PCDH15: variants seen among roughly 807,000 people sequenced by gnomAD.
The protein encoded by PCDH15 is protocadherin related 15.
Under a neutral mutation model 178.5 loss-of-function variants are expected in PCDH15, and 129 were observed. That is an observed-to-expected ratio of 0.72 (90% confidence interval 0.63 to 0.84). The LOEUF (loss-of-function observed/expected upper bound fraction) is 0.84. Among genes scored for constraint, PCDH15 ranks in the 40% least tolerant of loss-of-function variants. PCDH15 has a pLI of 0.00. For missense variants in PCDH15, 2,230 were observed against 2,099.9 expected (o/e 1.06, Z -1.21); for synonymous variants, 800 against 732.0 (o/e 1.09, Z -1.50).
chr10:54,013,324 C>T (rs2092647257), intron 20 of PCDH15, among the ~76,000 whole-genome samples: 1 of 152,018 alleles, frequency 6.6e-6, no homozygotes. Context: ...TTTCAATACC[C>T]CATGGACAGT....
intron 2 of PCDH15, among the ~76,000 whole-genome samples, chr10:55,580,587 G>A (rs1437944402): frequency 2.0e-5 from 3 of 151,096 alleles, no homozygotes; most frequent in East Asian, 2.0e-4. Flanking sequence ...GGTCTCAAAC[G>A]CCTGACCTCA....
At chr10:53,810,991 T>C (rs531480661) in intron 36 of PCDH15, among the ~76,000 whole-genome samples, 1 of 152,346 alleles carries the variant, frequency 6.6e-6, no homozygotes, top group African/African-American at 2.4e-5. Flanking sequence ...ATAGATACTT[T>C]GGAACAGTGT....
intron 1 of PCDH15, among the ~76,000 whole-genome samples, chr10:55,266,850 A>G (rs1197240253): frequency 6.6e-6 from 1 of 152,216 alleles, no homozygotes; most frequent in Non-Finnish European, 1.5e-5. Context: ...AATAAGGCAG[A>G]GGATCTAATT....
intron 2 of PCDH15, among the ~76,000 whole-genome samples, chr10:55,345,385 C>G (rs1195504999): frequency 6.6e-6 from 1 of 151,882 alleles, no homozygotes; most frequent in East Asian, 1.9e-4. Context: ...CCTCAAGGCT[C>G]TCAAAGTGCC....
chr10:55,160,842 T>G (rs1564850652), intron 2 of PCDH15, among the ~76,000 whole-genome samples: 1 of 152,158 alleles, frequency 6.6e-6, no homozygotes, highest in Non-Finnish European at 1.5e-5. Context: ...GAATACTCTT[T>G]ACAAGCTTAT....
intron 31 of PCDH15, 62 bp from the exon 32 acceptor site, chr10:53,827,610 G>C: frequency 6.3e-7 from 1 of 1,595,404 alleles, no homozygotes; most frequent in Non-Finnish European, 8.6e-7. Context: ...TTATCAATAA[G>C]CCACCTTTTA....
chr10:54,036,049 G>C (rs1000995809), intron 18 of PCDH15, among the ~76,000 whole-genome samples: 3 of 151,854 alleles, frequency 2.0e-5, no homozygotes, highest in Admixed American at 2.0e-4. Context: ...GCTTGAGAGA[G>C]GGAAGGAAGC....
chr10:54,550,420 T>C (rs1170875928), intron 2 of PCDH15, among the ~76,000 whole-genome samples: 2 of 152,102 alleles, frequency 1.3e-5, no homozygotes, highest in Non-Finnish European at 2.9e-5. Context: ...TTAAAAATTA[T>C]TTTTTGCCAT....
intron 27 of PCDH15, among the ~76,000 whole-genome samples, chr10:53,860,474 T>C (rs2079030710): frequency 6.6e-6 from 1 of 152,104 alleles, no homozygotes; most frequent in Non-Finnish European, 1.5e-5. Flanking sequence ...CTCACACCTG[T>C]AATCACAGCA....
chr10:54,069,040 A>G (rs2094191001), intron 17 of PCDH15, among the ~76,000 whole-genome samples: 1 of 152,202 alleles, frequency 6.6e-6, no homozygotes, highest in African/African-American at 2.4e-5. Flanking sequence ...TGCTTTCATG[A>G]CAAAAAGTAT....
chr10:54,357,650 T>C (rs965788257), intron 5 of PCDH15, among the ~76,000 whole-genome samples: 3 of 152,072 alleles, frequency 2.0e-5, no homozygotes, highest in Non-Finnish European at 4.4e-5. Context: ...CTTCACAGAA[T>C]TGGAAAAAAC....
At chr10:54,431,663 A>G (rs1384075735) in intron 3 of PCDH15, among the ~76,000 whole-genome samples, 1 of 152,176 alleles carries the variant, frequency 6.6e-6, no homozygotes, top group Non-Finnish European at 1.5e-5. Flanking sequence ...TGAATGGGGA[A>G]AACCTGAAAG....
chr10:54,419,148 C>A (rs1263564171), intron 3 of PCDH15, among the ~76,000 whole-genome samples: 3 of 150,412 alleles, frequency 2.0e-5, no homozygotes. Flanking sequence ...TGTTAGAATG[C>A]CATTAAATAA....
At chr10:55,209,323 A>T (rs1840496705) in intron 1 of PCDH15, among the ~76,000 whole-genome samples, 1 of 152,174 alleles carries the variant, frequency 6.6e-6, no homozygotes. Context: ...ATGAAAAGAC[A>T]TCAGATGATT....
intron 2 of PCDH15, among the ~76,000 whole-genome samples, chr10:54,591,857 T>C (rs956783616): frequency 5.9e-5 from 9 of 152,282 alleles, no homozygotes; most frequent in African/African-American, 2.2e-4. Context: ...TTTAAACCTG[T>C]CATTACAATC....
chr10:55,125,855 G>C (rs1018116886), intron 2 of PCDH15, among the ~76,000 whole-genome samples: 1 of 152,040 alleles, frequency 6.6e-6, no homozygotes, highest in African/African-American at 2.4e-5. Flanking sequence ...GCATAGCTTG[G>C]TAGGCATAGC....
intron 2 of PCDH15, among the ~76,000 whole-genome samples, chr10:55,004,986 A>G (rs1839890074): frequency 6.6e-6 from 1 of 152,110 alleles, no homozygotes; most frequent in African/African-American, 2.4e-5. Context: ...CCAATGATAT[A>G]AAACCTTCTG....
At chr10:54,086,009 A>T (rs2094509463) in intron 16 of PCDH15, among the ~76,000 whole-genome samples, 1 of 152,198 alleles carries the variant, frequency 6.6e-6, no homozygotes, top group East Asian at 1.9e-4. Context: ...GAAGTGTCTG[A>T]TGAGGTAGAA....
rs189767540 is a variant in PCDH15, at chr10:55,033,293, G to T, written c.-80+133283C>A. 1.8e-3 allele frequency among the ~76,000 whole-genome samples: 267 copies of T among 152,240 alleles called. 1 individual carries two copies. The highest frequency in any genetic ancestry group is 6.8e-3 in the Middle Eastern group (2 of 294). ...CAGCAGGGCCGCTCGAGAGGCCAAA[G>T]CCTGGGAGAGCCACAGGCACTGAAC... is the stretch of plus-strand genomic sequence containing the variant. On this transcript the variant is annotated intron_variant, in intron 2 of 5. Coordinates refer to the PCDH15 transcript ENST00000458638.
Sources: gnomAD v4.1 joint callset for allele counts (sites outside exome capture counted in the v4.1 genomes callset) on GRCh38, gnomAD v4.1.1 for gene constraint, MANE v1.5 for transcripts, NCBI Gene and HGNC (gene_info 2026-07-23, HGNC 2026-07-21) for gene names.